Variants in PLCB4 observed in about 807,000 individuals in gnomAD.
The protein encoded by PLCB4 is 1-phosphatidylinositol 4,5-bisphosphate phosphodiesterase beta-4.
PLCB4 carries 77 observed loss-of-function variants against 178.8 expected under a neutral mutation model. The observed-to-expected ratio is 0.43, with a 90% CI of 0.36 to 0.52. PLCB4 has a LOEUF of 0.52. Among genes scored for constraint, PLCB4 ranks in the 20% least tolerant of loss-of-function variants. PLCB4 has a pLI of 0.00. For synonymous variants in PLCB4, 496 were observed against 490.8 expected (o/e 1.01, Z -0.14); for missense variants, 1,024 against 1,453.4 (o/e 0.70, Z 4.80).
At chr20:9,477,923 G>C (rs2044659363) in intron 39 of PLCB4, among the ~76,000 whole-genome samples, 1 of 152,050 alleles carries the variant, frequency 6.6e-6, no homozygotes, top group Non-Finnish European at 1.5e-5. Flanking sequence ...TATCTAAGCA[G>C]ACATAAATAG....
rs192165735 is a variant in PLCB4 at position 9,413,424 on chromosome 20, C to T, written c.2051+2336C>T. On this transcript the variant is annotated intron_variant, in intron 25 of 39. Coordinates refer to ENST00000378473, the MANE Select transcript of PLCB4 (RefSeq NM_001377142.1). ...CCTGGAATCCCAGCACTTTGGGAGG[C>T]CGAGGCGGGCAGATCACAAGGTTAG... Among the ~76,000 whole-genome samples the T allele has an allele frequency of 3.2e-4, 49 of 151,252 alleles. No individual in the cohort carries two copies. The East Asian group carries it at 9.1e-3, about 28-fold the overall frequency.
At chr20:9,381,740 A>C (rs1238264234) in intron 13 of PLCB4, among the ~76,000 whole-genome samples, 1 of 152,228 alleles carries the variant, frequency 6.6e-6, no homozygotes, top group Non-Finnish European at 1.5e-5. Context: ...AAGACCCTAC[A>C]TTGGTACAAC....
chr20:9,463,957 C>A (rs2043586729), intron 35 of PLCB4, among the ~76,000 whole-genome samples: 1 of 152,134 alleles, frequency 6.6e-6, no homozygotes, highest in Non-Finnish European at 1.5e-5. Context: ...ACTCTCCACC[C>A]CAAATCAACA....
At chr20:9,205,358 T>C (rs928599716) in intron 2 of PLCB4, among the ~76,000 whole-genome samples, 1 of 152,258 alleles carries the variant, frequency 6.6e-6, no homozygotes, top group African/African-American at 2.4e-5. Context: ...AATGTATTTT[T>C]GACTTACCGT....
chr20:9,230,624 C>T (rs1318038940), intron 3 of PLCB4, among the ~76,000 whole-genome samples: 1 of 152,058 alleles, frequency 6.6e-6, no homozygotes, highest in Non-Finnish European at 1.5e-5. Flanking sequence ...TTTGGGCTGG[C>T]CTTGATTGGG....
At chr20:9,302,809 G>A (rs2094721054) in intron 3 of PLCB4, among the ~76,000 whole-genome samples, 1 of 152,028 alleles carries the variant, frequency 6.6e-6, no homozygotes, top group Non-Finnish European at 1.5e-5. Flanking sequence ...TTGATTCTAG[G>A]AGAACCAGAG....
At chr20:9,434,541 A>T (rs1290380352) in intron 28 of PLCB4, among the ~76,000 whole-genome samples, 2 of 151,982 alleles carry the variant, frequency 1.3e-5, no homozygotes, top group Non-Finnish European at 2.9e-5. Flanking sequence ...AAGCCCAGCT[A>T]ATTTTTGTAT....
chr20:9,133,601 G>T (rs572621398), intron 2 of PLCB4, among the ~76,000 whole-genome samples: 3 of 152,252 alleles, frequency 2.0e-5, no homozygotes, highest in African/African-American at 7.2e-5. Context: ...GTCCCTACAA[G>T]CTTGTGAGTT....
chr20:9,454,433 A>T (rs921227640), intron 33 of PLCB4, among the ~76,000 whole-genome samples: 3 of 152,074 alleles, frequency 2.0e-5, no homozygotes, highest in Admixed American at 1.3e-4. Context: ...CCTGCCTTTG[A>T]CCTTCTCCAG....
chr20:9,452,605 G>C (rs2042834217), intron 32 of PLCB4, among the ~76,000 whole-genome samples: 1 of 152,052 alleles, frequency 6.6e-6, no homozygotes, highest in African/African-American at 2.4e-5. Flanking sequence ...CTTTTTCATT[G>C]TCCAGGAAGA....
At chr20:9,151,535 CT>C (rs2092691524) in intron 2 of PLCB4, among the ~76,000 whole-genome samples, 1 of 152,166 alleles carries the variant, frequency 6.6e-6, no homozygotes, top group African/African-American at 2.4e-5. Context: ...GGGGTTTCCA[CT>C]TTTGCTTCTT....
chr20:9,344,634 T>C (rs917752870), intron 7 of PLCB4, among the ~76,000 whole-genome samples: 4 of 152,196 alleles, frequency 2.6e-5, no homozygotes, highest in African/African-American at 7.2e-5. Context: ...AGGAAGATGA[T>C]CCTTTGACAA....
Position 9,475,864 on chromosome 20 carries a change from G to C in PLCB4, c.3496-853G>C, listed in dbSNP as rs543436668. ...AGGTCTGGAACTATATAGTATAACTGCCTTCATAACCAGGTAAACATTTCA... is the reference window on the plus strand; with the variant it reads ...AGGTCTGGAACTATATAGTATAACTCCCTTCATAACCAGGTAAACATTTCA... On this transcript the variant is annotated intron_variant, in intron 38 of 39. Coordinates refer to ENST00000378473, the MANE Select transcript of PLCB4 (RefSeq NM_001377142.1). Among the ~76,000 whole-genome samples, 14 of 152,282 alleles carry C rather than the reference G, an allele frequency of 9.2e-5. No individual in the cohort carries two copies. The South Asian group carries it at 2.9e-3, about 32-fold the overall frequency.
chr20:9,238,413 C>T (rs150856715), intron 3 of PLCB4, among the ~76,000 whole-genome samples: 224 of 152,264 alleles, frequency 1.5e-3, no homozygotes, highest in Middle Eastern at 3.4e-3. Flanking sequence ...TTGACCCCCC[C>T]CCGAGGGACA....
intron 2 of PLCB4, among the ~76,000 whole-genome samples, chr20:9,186,880 C>G (rs1284147474): frequency 6.6e-6 from 1 of 152,126 alleles, no homozygotes; most frequent in African/African-American, 2.4e-5. Flanking sequence ...GTTTGCCTGT[C>G]CTTTGCCTCA....
At chr20:9,237,957 A>G (rs2147391438) in intron 3 of PLCB4, among the ~76,000 whole-genome samples, 1 of 152,272 alleles carries the variant, frequency 6.6e-6, no homozygotes, top group African/African-American at 2.4e-5. Context: ...GCTTTTCATT[A>G]GGAGAGGAAT....
Position 9,339,026 on chromosome 20 carries a change from G to A in PLCB4, c.358G>A (p.Glu120Lys), listed in dbSNP as rs958289008. ...TACCTACATGGTGGCTGAAAATCCAGAAGTAACTAAGGTAGCTTCAGTTAA... is the reference window on the plus strand; with the variant it reads ...TACCTACATGGTGGCTGAAAATCCAAAAGTAACTAAGGTAGCTTCAGTTAA... ...SFTYMVAENP[E>K]VTKQWVEGLR... Residue 120 changes from glutamate (E) to lysine (K), a missense_variant, in exon 7 of 40, where the codon GAA (glutamate) becomes AAA (lysine). By Grantham distance (56) the Glu-to-Lys change is moderately conservative. This residue lies in a region of PLCB4 where 225 missense variants were observed against 291.0 expected (regional missense o/e 0.77). Coordinates refer to ENST00000378473, the MANE Select transcript of PLCB4 (RefSeq NM_001377142.1). 2.5e-6 allele frequency: 4 copies of A among 1,612,828 alleles called. No homozygotes were observed. The African/African-American group carries it at 5.3e-5, about 22-fold the overall frequency.
chr20:9,164,480 T>C (rs939647852), intron 2 of PLCB4, among the ~76,000 whole-genome samples: 3 of 152,350 alleles, frequency 2.0e-5, no homozygotes, highest in South Asian at 2.1e-4. Context: ...TTTCTCATCA[T>C]ATGACAGTCT....
At chr20:9,469,134 C>T (rs1325279947) in intron 36 of PLCB4, among the ~76,000 whole-genome samples, 1 of 152,138 alleles carries the variant, frequency 6.6e-6, no homozygotes, top group Non-Finnish European at 1.5e-5. Context: ...GCATGCACCA[C>T]CACACCTGGC....
Sources: allele counts gnomAD v4.1 joint callset (sites outside exome capture counted in the v4.1 genomes callset), GRCh38; gene constraint gnomAD v4.1.1; regional missense constraint gnomAD v4.1.1; transcripts MANE v1.5; gene names NCBI Gene and HGNC (gene_info 2026-07-23, HGNC 2026-07-21).